CCDC148: variants seen among roughly 807,000 people sequenced by gnomAD.
The protein encoded by CCDC148 is coiled-coil domain containing 148, also known as coiled-coil domain-containing protein 148.
In CCDC148, 89 loss-of-function variants were observed where a neutral mutation model predicts 85.7. That is an observed-to-expected ratio of 1.04 (90% CI 0.87 to 1.24). CCDC148 has a LOEUF of 1.24. Among genes scored for constraint, CCDC148 ranks in the 50% most tolerant of loss-of-function variants. The pLI, the probability that CCDC148 is intolerant of heterozygous loss-of-function variation, is 0.00. For synonymous variants in CCDC148, 230 were observed against 213.9 expected (o/e 1.08, Z -0.66); for missense variants, 692 against 671.7 (o/e 1.03, Z -0.33).
intron 13 of CCDC148, among the ~76,000 whole-genome samples, chr2:158,174,917 T>C (rs1432574320): frequency 6.6e-6 from 1 of 152,026 alleles, no homozygotes; most frequent in Non-Finnish European, 1.5e-5. Context: ...CACATGACTG[T>C]ATATAATTTA....
intron 10 of CCDC148, among the ~76,000 whole-genome samples, chr2:158,244,605 T>C (rs1688493134): frequency 6.6e-6 from 1 of 152,168 alleles, no homozygotes; most frequent in Admixed American, 6.5e-5. Flanking sequence ...TATCTATCAA[T>C]GGTGGTCACA....
intron 7 of CCDC148, among the ~76,000 whole-genome samples, chr2:158,336,202 A>G (rs1682370679): frequency 6.6e-6 from 1 of 152,062 alleles, no homozygotes; most frequent in African/African-American, 2.4e-5. Flanking sequence ...TTATGATTGA[A>G]CCTATAATTC....
intron 1 of CCDC148, among the ~76,000 whole-genome samples, chr2:158,448,878 A>G (rs1467916556): frequency 6.6e-6 from 1 of 152,094 alleles, no homozygotes; most frequent in Non-Finnish European, 1.5e-5. Context: ...CCCAGGCTGG[A>G]GTGCAGTGGC....
At chr2:158,204,722 TTGACTC>T (rs1470761096) in intron 11 of CCDC148, among the ~76,000 whole-genome samples, 4 of 143,286 alleles carry the variant, frequency 2.8e-5, no homozygotes, top group Non-Finnish European at 6.2e-5. Flanking sequence ...GTCAAAATAC[TTGACTC>T]TGTCCAAATT....
At chr2:158,287,711 G>A (rs1044493260) in intron 9 of CCDC148, among the ~76,000 whole-genome samples, 1 of 152,198 alleles carries the variant, frequency 6.6e-6, no homozygotes, top group Non-Finnish European at 1.5e-5. Context: ...TCACGGGCTG[G>A]CATTGAATGT....
At chr2:158,285,605 A>T (rs192213657) in intron 9 of CCDC148, among the ~76,000 whole-genome samples, 3,929 of 150,326 alleles carry the variant, frequency 0.026, 64 homozygotes, top group South Asian at 0.053. Flanking sequence ...ATCTCGGCTC[A>T]CTGCAAGGTC....
At chr2:158,328,121 C>T (rs181730579) in intron 7 of CCDC148, among the ~76,000 whole-genome samples, 10 of 152,082 alleles carry the variant, frequency 6.6e-5, no homozygotes, top group African/African-American at 2.2e-4. Flanking sequence ...CCCAACAACT[C>T]GTCATCTAAC....
intron 10 of CCDC148, among the ~76,000 whole-genome samples, chr2:158,249,842 T>G (rs1340160782): frequency 6.6e-6 from 1 of 152,142 alleles, no homozygotes; most frequent in Non-Finnish European, 1.5e-5. Flanking sequence ...ATGAAAAGTT[T>G]GTCCACCAAT....
At chr2:158,443,232 G>T (rs1462483487) in intron 1 of CCDC148, among the ~76,000 whole-genome samples, 3 of 152,018 alleles carry the variant, frequency 2.0e-5, no homozygotes, top group Admixed American at 2.0e-4. Context: ...TCAGCACTTT[G>T]GGAGTCGGGG....
chr2:158,288,879 G>A, intron 9 of CCDC148: 1 of 296,846 alleles, frequency 3.4e-6, no homozygotes, highest in Admixed American at 3.7e-5. Flanking sequence ...AGTTCCACAT[G>A]GCAGGGGAGG....
At chr2:158,427,043 A>G (rs1687109708) in intron 1 of CCDC148, among the ~76,000 whole-genome samples, 1 of 152,182 alleles carries the variant, frequency 6.6e-6, no homozygotes, top group South Asian at 2.1e-4. Context: ...TCTGACCAAA[A>G]ATGAATAAAG....
intron 1 of CCDC148, among the ~76,000 whole-genome samples, chr2:158,419,309 G>T (rs1252048781): frequency 6.6e-6 from 1 of 152,134 alleles, no homozygotes; most frequent in East Asian, 1.9e-4. Flanking sequence ...TATTAAGAAT[G>T]AGTCACTGAA....
intron 1 of CCDC148, among the ~76,000 whole-genome samples, chr2:158,393,611 GA>G (rs1175182351): frequency 6.6e-6 from 1 of 151,996 alleles, no homozygotes; most frequent in Non-Finnish European, 1.5e-5. Context: ...TACAGACAGA[GA>G]AAAAAACTGA....
intron 10 of CCDC148, among the ~76,000 whole-genome samples, chr2:158,237,300 T>C (rs1688151958): frequency 6.6e-6 from 1 of 152,080 alleles, no homozygotes; most frequent in Non-Finnish European, 1.5e-5. Flanking sequence ...GAATGGGAAG[T>C]CATTGACGTG....
intron 7 of CCDC148, among the ~76,000 whole-genome samples, chr2:158,334,213 T>TC (rs1441107069): frequency 6.6e-6 from 1 of 152,158 alleles, no homozygotes; most frequent in African/African-American, 2.4e-5. Flanking sequence ...GTTCAGGGTT[T>TC]CTTAGCTCAT....
intron 7 of CCDC148, among the ~76,000 whole-genome samples, chr2:158,328,735 G>A (rs913066660): frequency 7.6e-4 from 116 of 152,216 alleles, no homozygotes; most frequent in Middle Eastern, 3.4e-3. Flanking sequence ...ATCTCATTGT[G>A]GTTTTGATTT....
At chr2:158,360,706 C>T (rs1011195231) in intron 1 of CCDC148, among the ~76,000 whole-genome samples, 8 of 152,208 alleles carry the variant, frequency 5.3e-5, no homozygotes, top group Admixed American at 2.6e-4. Flanking sequence ...GATAAATCCA[C>T]GAAAATGGGG....
At chr2:158,280,561 C>A (rs1055618960) in intron 9 of CCDC148, among the ~76,000 whole-genome samples, 1 of 152,190 alleles carries the variant, frequency 6.6e-6, no homozygotes, top group Non-Finnish European at 1.5e-5. Context: ...GGGATCAATT[C>A]AACAAGAAGA....
chr2:158,456,310 C>T, intron 1 of CCDC148, 105 bp downstream of exon 1: 1 of 1,160,614 alleles, frequency 8.6e-7, no homozygotes, highest in Admixed American at 2.0e-5. Flanking sequence ...AAAGATCCAC[C>T]CCAGGGAAGG....
Sources: gnomAD v4.1 joint callset for allele counts (sites outside exome capture counted in the v4.1 genomes callset) on GRCh38, gnomAD v4.1.1 for gene constraint, MANE v1.5 for transcripts, NCBI Gene and HGNC (gene_info 2026-07-23, HGNC 2026-07-21) for gene names.